Variants in STK39 observed in about 807,000 individuals in gnomAD.
The protein encoded by STK39 is serine/threonine kinase 39, also known as STE20/SPS1-related proline-alanine-rich protein kinase.
Under a neutral mutation model 77.8 loss-of-function variants are expected in STK39, and 20 were observed. The ratio of observed to expected loss-of-function variants is 0.26; its 90% CI spans 0.18 to 0.37. The LOEUF (loss-of-function observed/expected upper bound fraction) is 0.37. Among genes scored for constraint, STK39 ranks in the 10% least tolerant of loss-of-function variants. The pLI, the probability that STK39 is intolerant of heterozygous loss-of-function variation, is 1.00. For synonymous variants in STK39, 246 were observed against 234.1 expected (o/e 1.05, Z -0.47); for missense variants, 479 against 656.5 (o/e 0.73, Z 2.95).
intron 10 of STK39, among the ~76,000 whole-genome samples, chr2:168,107,082 A>G (rs570298122): frequency 6.6e-6 from 1 of 152,358 alleles, no homozygotes; most frequent in African/African-American, 2.4e-5. Context: ...TACAACAAAC[A>G]TCTACTTAGC....
chr2:167,998,568 T>C (rs1683911690), intron 16 of STK39, among the ~76,000 whole-genome samples: 1 of 152,232 alleles, frequency 6.6e-6, no homozygotes, highest in African/African-American at 2.4e-5. Context: ...GAAGGCCCTT[T>C]GGTTACCAAT....
chr2:168,212,936 A>C (rs1689928293), intron 1 of STK39, among the ~76,000 whole-genome samples: 1 of 152,080 alleles, frequency 6.6e-6, no homozygotes. Context: ...AAGAGTATAG[A>C]CTCCAGGATA....
At chr2:168,202,205 C>G (rs562222121) in intron 1 of STK39, among the ~76,000 whole-genome samples, 1 of 152,198 alleles carries the variant, frequency 6.6e-6, no homozygotes, top group Non-Finnish European at 1.5e-5. Flanking sequence ...GGGATGCAAC[C>G]TGAGGACATA....
chr2:168,151,738 CAAA>C (rs146231233), intron 5 of STK39, among the ~76,000 whole-genome samples: 257 of 111,470 alleles, frequency 2.3e-3, no homozygotes, highest in African/African-American at 6.9e-3. Context: ...GACTCGGTCT[CAAA>C]AAAAAAAAAA....
intron 1 of STK39, among the ~76,000 whole-genome samples, chr2:168,189,975 G>A (rs1451432007): frequency 6.6e-6 from 1 of 152,142 alleles, no homozygotes; most frequent in Non-Finnish European, 1.5e-5. Flanking sequence ...AACCTAGCCC[G>A]CCCGAGCTAT....
rs1421805794 is a variant in STK39, at chr2:167,955,379, T to G, written c.*117A>C. The G allele has an allele frequency of 2.0e-6, 2 of 992,208 alleles. No individual in the cohort carries two copies. The highest frequency in any genetic ancestry group is 5.5e-5 in the Admixed American group (2 of 36,488). 61.5% of individuals were successfully genotyped at this position (992,208 alleles called of 1,614,324 possible). A position where few individuals can be genotyped will look rare whatever the true frequency, so the allele number is the denominator to read the frequency against. ...AGCCGGCCTCTTCACAATCTTCTGA[T>G]TTTGCTAGGAAATGGGAGTGAGGGG... On this transcript the variant is annotated 3_prime_UTR_variant, in exon 18 of 18. Transcript: ENST00000355999.
intron 17 of STK39, among the ~76,000 whole-genome samples, chr2:167,958,489 C>A (rs1691846820): frequency 6.6e-6 from 1 of 152,032 alleles, no homozygotes; most frequent in African/African-American, 2.4e-5. Context: ...GTTCCCCTAC[C>A]CACTGCAAGA....
chr2:168,118,806 C>T (rs1260833561), intron 10 of STK39, among the ~76,000 whole-genome samples: 1 of 151,990 alleles, frequency 6.6e-6, no homozygotes, highest in Non-Finnish European at 1.5e-5. Context: ...GTAAGCAATT[C>T]CTGTCCAGAT....
intron 8 of STK39, among the ~76,000 whole-genome samples, chr2:168,134,158 T>C (rs560650603): frequency 1.1e-4 from 17 of 152,304 alleles, no homozygotes; most frequent in African/African-American, 2.9e-4. Flanking sequence ...AATGCTAAAA[T>C]GTTACCAGCA....
At chr2:168,108,130 A>G (rs894159157) in intron 10 of STK39, among the ~76,000 whole-genome samples, 8 of 152,238 alleles carry the variant, frequency 5.3e-5, no homozygotes, top group African/African-American at 1.9e-4. Context: ...TTAAGCCTAA[A>G]GCATAACTGC....
chr2:168,131,671 G>A (rs1687700945), intron 8 of STK39, among the ~76,000 whole-genome samples: 1 of 152,138 alleles, frequency 6.6e-6, no homozygotes, highest in Non-Finnish European at 1.5e-5. Context: ...AAGAACCCTG[G>A]ATCTCCGTAT....
In STK39 at chr2:168,193,670, A is replaced by G. The variant is rs141970547; in HGVS notation, c.209-11580T>C. 1.0e-3 allele frequency among the ~76,000 whole-genome samples: 158 copies of G among 152,300 alleles called. 1 individual carries two copies. The highest frequency in any genetic ancestry group is 3.6e-3 in the African/African-American group (149 of 41,566). On this transcript the variant is annotated intron_variant, in intron 1 of 17. Transcript: ENST00000355999. ...ACATCAGGAGAATGTTCCCTCCTTT[A>G]GTCTTGGGGCTGGGGGCTAAGGTGT...
At chr2:168,084,109 AC>A (rs1686308033) in intron 10 of STK39, among the ~76,000 whole-genome samples, 2 of 152,132 alleles carry the variant, frequency 1.3e-5, no homozygotes, top group African/African-American at 4.8e-5. Context: ...GTGAGTTCAC[AC>A]CCCTGTTGTA....
chr2:167,971,214 GTTTC>G (rs1275564934), intron 16 of STK39, among the ~76,000 whole-genome samples: 2 of 152,132 alleles, frequency 1.3e-5, no homozygotes, highest in Non-Finnish European at 2.9e-5. Context: ...AGTTCTCTGA[GTTTC>G]TTTGAGCAAA....
In STK39 at chr2:168,154,911, C is replaced by T. The variant is rs374795616; in HGVS notation, c.628+6876G>A. 2.0e-4 allele frequency among the ~76,000 whole-genome samples: 30 copies of T among 152,122 alleles called. No individual in the cohort carries two copies. In the East Asian group the frequency reaches 2.1e-3, roughly 11 times the overall value. ...AGGTTCTGGGAAAAAGAAAAATAAA[C>T]GAAAAAATAAGCAAAGGACCGAATT... On this transcript the variant is annotated intron_variant, in intron 5 of 17. Coordinates refer to ENST00000355999, the MANE Select transcript of STK39 (RefSeq NM_013233.3).
rs1687632191 is a variant in STK39, at chr2:168,129,749, T to G, written c.984A>C (p.Ala328=). The G allele has an allele frequency of 6.2e-7, 1 of 1,613,752 alleles. No individual in the cohort carries two copies. Among genetic ancestry groups the G allele is most frequent in the Non-Finnish European group, 8.5e-7 (1 of 1,179,960 alleles). Residue 328 remains alanine (A), a synonymous_variant, in exon 9 of 18, where the codon GCA becomes GCC. Transcript: ENST00000355999. ...AGAATTTGCATTTTAAAAGTTCTGCTGCTGTGGGCCTGAAAGATCAATAAT... is the reference window on the plus strand; with the variant it reads ...AGAATTTGCATTTTAAAAGTTCTGCGGCTGTGGGCCTGAAAGATCAATAAT... ...LQKDPSKRPT[A]AELLKCKFFQ...
intron 14 of STK39, among the ~76,000 whole-genome samples, chr2:168,044,193 T>C (rs1160794435): frequency 6.6e-6 from 1 of 152,222 alleles, no homozygotes; most frequent in East Asian, 1.9e-4. Context: ...CTTGCAATAC[T>C]GTTGAGTATA....
chr2:168,211,557 A>G (rs932168), intron 1 of STK39, among the ~76,000 whole-genome samples: 66,438 of 152,080 alleles, frequency 0.44, 16,800 homozygotes, highest in East Asian at 0.77. Context: ...ATATTTGATG[A>G]TAGGAAGTAT....
At chr2:168,075,071 T>C (rs1686043321) in intron 11 of STK39, 38 bp downstream of exon 11, 4 of 1,614,052 alleles carry the variant, frequency 2.5e-6, no homozygotes, top group Non-Finnish European at 2.5e-6. Context: ...AAAAATAAAA[T>C]TTACACAGAT....
Sources: allele counts gnomAD v4.1 joint callset (sites outside exome capture counted in the v4.1 genomes callset), GRCh38; gene constraint gnomAD v4.1.1; transcripts MANE v1.5; gene names NCBI Gene and HGNC (gene_info 2026-07-23, HGNC 2026-07-21).